AGBL4: variants seen among roughly 807,000 people sequenced by gnomAD.
AGBL4 encodes AGBL carboxypeptidase 4, also known as cytosolic carboxypeptidase 6.
A neutral mutation model predicts 66.4 loss-of-function variants in AGBL4; 58 were observed. The observed-to-expected ratio is 0.87, with a 90% CI of 0.71 to 1.09. The LOEUF is 1.09. Ranked by LOEUF, AGBL4 falls within the 50% of genes least tolerant of loss-of-function variation. The pLI is 0.00. For synonymous variants in AGBL4, 234 were observed against 222.9 expected (o/e 1.05, Z -0.44); for missense variants, 579 against 631.0 (o/e 0.92, Z 0.88).
Position 48,590,879 on chromosome 1 carries a change from G to T in AGBL4, c.1058C>A (p.Ala353Asp). The T allele has an allele frequency of 6.2e-7, 1 of 1,606,296 alleles. No homozygotes were observed. Among genetic ancestry groups the T allele is most frequent in the Non-Finnish European group, 8.5e-7 (1 of 1,176,444 alleles). The change falls in exon 10 of 14, where the codon GCC becomes GAC. Residue 353 changes from alanine (A) to aspartate (D), a missense_variant. Coordinates refer to ENST00000371839, the MANE Select transcript of AGBL4 (RefSeq NM_032785.4). ...CTGGCAGAGGAGCTTGGGAAAAATG[G>T]CCTGCCTCTGGAACCGTTCCTCATC... The part of the protein sequence containing the change: ...FEDEERFQRQ[A>D]IFPKLLCQNA...
intron 3 of AGBL4, among the ~76,000 whole-genome samples, chr1:49,620,220 C>A (rs948964307): frequency 3.3e-5 from 5 of 152,042 alleles, no homozygotes; most frequent in African/African-American, 1.2e-4. Flanking sequence ...GCAATCTATC[C>A]ATCTGACAAA....
chr1:49,386,059 C>G (rs988974054), intron 3 of AGBL4, among the ~76,000 whole-genome samples: 1 of 151,938 alleles, frequency 6.6e-6, no homozygotes, highest in Non-Finnish European at 1.5e-5. Flanking sequence ...TAAAGAAATT[C>G]TTACAATCCT....
intron 4 of AGBL4, among the ~76,000 whole-genome samples, chr1:49,063,281 T>A (rs1166646844): frequency 6.6e-6 from 1 of 152,200 alleles, no homozygotes; most frequent in Non-Finnish European, 1.5e-5. Context: ...AACCATTTTT[T>A]AGCTACAAAA....
At chr1:49,472,254 A>G (rs1646760404) in intron 3 of AGBL4, among the ~76,000 whole-genome samples, 1 of 152,018 alleles carries the variant, frequency 6.6e-6, no homozygotes, top group Non-Finnish European at 1.5e-5. Context: ...CTCATAATCT[A>G]ATACACAAAA....
intron 2 of AGBL4, among the ~76,000 whole-genome samples, chr1:49,775,998 C>T (rs1644186423): frequency 1.3e-5 from 2 of 151,402 alleles, no homozygotes; most frequent in African/African-American, 4.8e-5. Flanking sequence ...ACTGGGTGTA[C>T]AAAGAAGAAC....
chr1:48,933,653 C>T (rs1251518070), intron 5 of AGBL4, among the ~76,000 whole-genome samples: 3 of 152,190 alleles, frequency 2.0e-5, no homozygotes, highest in African/African-American at 7.2e-5. Context: ...CTCTAACCTT[C>T]GGTTTCCAGC....
At chr1:49,273,642 C>T (rs1325246459) in intron 3 of AGBL4, among the ~76,000 whole-genome samples, 1 of 151,358 alleles carries the variant, frequency 6.6e-6, no homozygotes. Context: ...CATTTTCATA[C>T]AATATTAAAA....
intron 1 of AGBL4, among the ~76,000 whole-genome samples, chr1:49,999,664 G>A (rs527879130): frequency 6.6e-6 from 1 of 151,990 alleles, no homozygotes; most frequent in African/African-American, 2.4e-5. Flanking sequence ...AGGTATCTTA[G>A]TACCCAACCT....
At chr1:49,991,858 T>C (rs1274021555) in intron 1 of AGBL4, among the ~76,000 whole-genome samples, 1 of 152,202 alleles carries the variant, frequency 6.6e-6, no homozygotes, top group Non-Finnish European at 1.5e-5. Flanking sequence ...GAATTAGTCC[T>C]GTTTCTACTT....
intron 2 of AGBL4, among the ~76,000 whole-genome samples, chr1:49,791,363 C>A (rs1208595936): frequency 3.3e-5 from 5 of 152,010 alleles, no homozygotes; most frequent in Admixed American, 3.3e-4. Flanking sequence ...TAGACACCTA[C>A]TGTAAAATTT....
intron 1 of AGBL4, among the ~76,000 whole-genome samples, chr1:49,967,768 T>C (rs541700831): frequency 6.7e-4 from 102 of 152,332 alleles, no homozygotes; most frequent in Non-Finnish European, 1.1e-3. Flanking sequence ...GCTAACTCCA[T>C]AGAGTAAACA....
intron 3 of AGBL4, among the ~76,000 whole-genome samples, chr1:49,436,653 A>T (rs1645910211): frequency 6.6e-6 from 1 of 152,220 alleles, no homozygotes; most frequent in African/African-American, 2.4e-5. Context: ...TATGTTAGCA[A>T]ATCTATCTTT....
chr1:49,665,087 T>C (rs1646337689), intron 3 of AGBL4, among the ~76,000 whole-genome samples: 1 of 152,146 alleles, frequency 6.6e-6, no homozygotes, highest in Non-Finnish European at 1.5e-5. Context: ...TTGTTTGAAA[T>C]ATTTTGTCTA....
At chr1:48,906,221 CTT>C (rs1557446695) in intron 5 of AGBL4, among the ~76,000 whole-genome samples, 7 of 152,096 alleles carry the variant, frequency 4.6e-5, no homozygotes, top group African/African-American at 1.7e-4. Flanking sequence ...AAACAATAAA[CTT>C]AATCTTCCTG....
chr1:49,169,871 T>C (rs1486939874), intron 4 of AGBL4, among the ~76,000 whole-genome samples: 1 of 152,136 alleles, frequency 6.6e-6, no homozygotes, highest in East Asian at 1.9e-4. Flanking sequence ...GCCTTTCCAC[T>C]AAACCATGCT....
chr1:50,017,054 G>T (rs1331635562), intron 1 of AGBL4: 1 of 151,878 alleles, frequency 6.6e-6, no homozygotes, highest in African/African-American at 2.4e-5. Context: ...ATCAACAGTG[G>T]ACAGGGAAAA....
chr1:49,410,562 T>A lies in AGBL4; in HGVS notation c.283-164698A>T, dbSNP rs1235640310. ...GACTAGCCATGCTCTTTCCTCTGTA[T>A]CAGTTGCTGCTATCAATTAGTCAGA... On this transcript the variant is annotated intron_variant, in intron 3 of 13. Coordinates refer to ENST00000371839, the MANE Select transcript of AGBL4 (RefSeq NM_032785.4). Among the ~76,000 whole-genome samples the A allele has an allele frequency of 1.3e-5, 2 of 152,158 alleles. 1 individual carries two copies. Among genetic ancestry groups the A allele is most frequent in the South Asian group, 4.1e-4 (2 of 4,832 alleles).
chr1:49,815,672 C>G (rs1645213435), intron 2 of AGBL4, among the ~76,000 whole-genome samples: 1 of 152,064 alleles, frequency 6.6e-6, no homozygotes, highest in South Asian at 2.1e-4. Flanking sequence ...TTCTCACCAG[C>G]ATTTTTTATT....
At chr1:49,238,309 A>G (rs1650947676) in intron 4 of AGBL4, among the ~76,000 whole-genome samples, 1 of 152,180 alleles carries the variant, frequency 6.6e-6, no homozygotes, top group African/African-American at 2.4e-5. Context: ...AATGGCATGA[A>G]TGCTATAATC....
Sources: allele counts gnomAD v4.1 joint callset (sites outside exome capture counted in the v4.1 genomes callset), GRCh38; gene constraint gnomAD v4.1.1; transcripts MANE v1.5; gene names NCBI Gene and HGNC (gene_info 2026-07-23, HGNC 2026-07-21).